Variants in TMEM132A observed in about 807,000 individuals in gnomAD.
TMEM132A encodes the protein GRP78-binding protein.
A neutral mutation model predicts 69.9 loss-of-function variants in TMEM132A; 48 were observed. That is an observed-to-expected ratio of 0.69 (90% confidence interval 0.55 to 0.87). TMEM132A has a LOEUF of 0.87. Ranked by LOEUF, TMEM132A falls within the 40% of genes least tolerant of loss-of-function variation. The pLI is 0.00. For missense variants in TMEM132A, 1,287 were observed against 1,407.2 expected (o/e 0.91, Z 1.37); for synonymous variants, 577 against 613.7 (o/e 0.94, Z 0.88).
At position 60,936,364 on chromosome 11, in the gene TMEM132A, C is replaced by A; in HGVS notation, c.2529C>A (p.Val843=). Residue 843 remains valine (V), a synonymous_variant, in exon 11 of 11, where the codon GTC becomes GTA. Transcript: ENST00000453848. ...EEEMVPAPQH[V]TELELGMYAL... is the part of the protein sequence containing the mutation. ...AGATGGTCCCTGCCCCTCAGCATGT[C>A]ACTGAGCTAGAGCTGGGCATGTACG... 1.9e-6 allele frequency: 3 copies of A among 1,614,150 alleles called. No homozygotes were observed. Among genetic ancestry groups the A allele is most frequent in the Non-Finnish European group, 2.5e-6 (3 of 1,180,002 alleles).
In TMEM132A at chr11:60,936,771, A is replaced by G. The variant is rs962865465; in HGVS notation, c.2936A>G (p.Glu979Gly). The G allele has an allele frequency of 6.2e-7, 1 of 1,612,690 alleles. No homozygotes were observed. Residue 979 changes from glutamate (E) to glycine (G), a missense_variant, in exon 11 of 11, where the codon GAG (glutamate) becomes GGG (glycine). Physicochemically the swap from Glu to Gly is moderately conservative, Grantham distance 98 (BLOSUM62 -2). Coordinates refer to ENST00000453848, the MANE Select transcript of TMEM132A (RefSeq NM_178031.3). ...GCCCCTCCAGCCCAGTCACCTGAGG[A>G]GCCTGTAGGGGCCCCTGCTGTGCAG... is the stretch of plus-strand genomic sequence containing the variant. ...APAPPAQSPE[E>G]PVGAPAVQSI...
At position 60,935,732 on chromosome 11, in the gene TMEM132A, T is replaced by G; in HGVS notation, c.2029-132T>G. The G allele has an allele frequency of 9.0e-7, 1 of 1,113,762 alleles. No homozygotes were observed. Among genetic ancestry groups the G allele is most frequent in the Non-Finnish European group, 1.3e-6 (1 of 772,668 alleles). 69.0% of individuals were successfully genotyped at this position (1,113,762 alleles called of 1,614,324 possible). A position where few individuals can be genotyped will look rare whatever the true frequency, so the allele number is the denominator to read the frequency against. On this transcript the variant is annotated intron_variant, in intron 10 of 10. Transcript: ENST00000453848. The surrounding 1 kb of genome is among the most constrained non-coding windows in gnomAD (Gnocchi z 5.0). Reference sequence around the variant, plus strand: ...GACACGCGTCCCCTCTCTCCCTGTGTTTTGTCTATCTGCCTGTGTCTCTGT... The same window carrying G: ...GACACGCGTCCCCTCTCTCCCTGTGGTTTGTCTATCTGCCTGTGTCTCTGT...
At position 60,935,583 on chromosome 11, in the gene TMEM132A, C is replaced by A; in HGVS notation, c.2028+140C>A. ...AGGACTGACTCTGTGAGGTAGTGAG[C>A]TCTCTGCAGCTGGAGGTGATCAAGC... On this transcript the variant is annotated intron_variant, in intron 10 of 10. Transcript: ENST00000453848. This position sits in a 1 kb window ranked among gnomAD's most constrained non-coding sequence, Gnocchi z 5.0. 1 of 949,552 alleles carries A rather than the reference C, an allele frequency of 1.1e-6. No individual in the cohort carries two copies. Among genetic ancestry groups the A allele is most frequent in the Non-Finnish European group, 1.5e-6 (1 of 645,586 alleles). The allele number at this position is 949,552 out of a possible 1,614,324, so 58.8% of individuals were successfully genotyped here. A position where few individuals can be genotyped will look rare whatever the true frequency, so the allele number is the denominator to read the frequency against.
rs776027069 is a variant in TMEM132A, at chr11:60,936,261, G to A, written c.2426G>A (p.Gly809Asp). The A allele has an allele frequency of 6.2e-7, 1 of 1,614,124 alleles. No individual in the cohort carries two copies. Among genetic ancestry groups the A allele is most frequent in the East Asian group, 2.2e-5 (1 of 44,880 alleles). ...GTCGGGGGCAACACAGGTGTGAGGGGCAAGTTTGAGCGGGCAGAGGAGGAG... is the reference window on the plus strand; with the variant it reads ...GTCGGGGGCAACACAGGTGTGAGGGACAAGTTTGAGCGGGCAGAGGAGGAG... ...GSVGGNTGVR[G>D]KFERAEEEAR... is the part of the protein sequence containing the mutation. Residue 809 changes from glycine (G) to aspartate (D), a missense_variant, in exon 11 of 11, where the codon GGC becomes GAC. Coordinates refer to ENST00000453848, the MANE Select transcript of TMEM132A (RefSeq NM_178031.3).
At chr11:60,926,660 C>T (rs754062699) in intron 1 of TMEM132A, 2 of 178,512 alleles carry the variant, frequency 1.1e-5, no homozygotes, top group Non-Finnish European at 2.3e-5. Flanking sequence ...GCCCATCCCA[C>T]ACTTGCACTC....
In TMEM132A at chr11:60,936,591, G is replaced by C. The variant is rs1194305269; in HGVS notation, c.2756G>C (p.Gly919Ala). ...CGGCAGTCCCCTGGCCCGCCCAAGG[G>C]GGAGGGGAGCTGCCCCTGTGAGAGT... The part of the protein sequence containing the change: ...LDRQSPGPPK[G>A]EGSCPCESGG... The change falls in exon 11 of 11, where the codon GGG (glycine) becomes GCG (alanine). Residue 919 changes from glycine (G) to alanine (A), a missense_variant. Gly to Ala is a moderately conservative substitution (Grantham distance 60). Transcript: ENST00000453848. The C allele has an allele frequency of 2.5e-6, 4 of 1,597,570 alleles. No homozygotes were observed. The African/African-American group carries it at 4.0e-5, about 16-fold the overall frequency.
At position 60,935,423 on chromosome 11, in the gene TMEM132A, G is replaced by C. The variant is rs959215421; in HGVS notation, c.2008G>C (p.Ala670Pro). 6.2e-7 allele frequency: 1 copy of C among 1,606,506 alleles called. No individual in the cohort carries two copies. Among genetic ancestry groups the C allele is most frequent in the African/African-American group, 1.3e-5 (1 of 74,870 alleles). ...EVTATCWAQS[A>P]LPAPKQEVAL... Reference sequence around the variant, plus strand: ...CACAGCTACGTGCTGGGCACAGTCAGCCCTTCCCGCCCCAAAGCAGGTGAC... The same window carrying C: ...CACAGCTACGTGCTGGGCACAGTCACCCCTTCCCGCCCCAAAGCAGGTGAC... The change falls in exon 10 of 11, where the codon GCC (alanine) becomes CCC (proline). Residue 670 changes from alanine (A) to proline (P), a missense_variant. Ala to Pro is a conservative substitution (Grantham distance 27). Transcript: ENST00000453848. The surrounding 1 kb of genome is among the most constrained non-coding windows in gnomAD (Gnocchi z 5.0).
Position 60,934,040 on chromosome 11 carries a change from C to T in TMEM132A, c.1559+296C>T, listed in dbSNP as rs116239740. 825 of 478,006 alleles carry T rather than the reference C, an allele frequency of 1.7e-3. 6 individuals carry two copies. The highest frequency in any genetic ancestry group is 0.013 in the African/African-American group (649 of 50,694). 29.6% of individuals were successfully genotyped at this position (478,006 alleles called of 1,614,324 possible). A position where few individuals can be genotyped will look rare whatever the true frequency, so the allele number is the denominator to read the frequency against. The stretch of plus-strand genomic sequence containing the variant: ...TGTCCATCCTTTCCACGCTCCTCCC[C>T]CGAGAATGTCAGCCCCTTGAAGCTG... On this transcript the variant is annotated intron_variant, in intron 8 of 10. Transcript: ENST00000453848.
chr11:60,931,916 C>A (rs1371871727), intron 6 of TMEM132A, 32 bp downstream of exon 6: 1 of 1,614,152 alleles, frequency 6.2e-7, no homozygotes, highest in Non-Finnish European at 8.5e-7. Context: ...CCTGGGAAGG[C>A]TGGAGGCCAA....
chr11:60,932,243 G>A (rs1856497755), intron 7 of TMEM132A, 116 bp downstream of exon 7: 15 of 1,283,014 alleles, frequency 1.2e-5, no homozygotes, highest in Middle Eastern at 5.6e-4. Flanking sequence ...TTCTTGAGAC[G>A]AGAAACCTCA....
At chr11:60,927,988 GC>G in intron 3 of TMEM132A, 129 bp downstream of exon 3, 1 of 722,512 alleles carries the variant, frequency 1.4e-6, no homozygotes, top group South Asian at 1.9e-5. Context: ...CTCCATTTCT[GC>G]CCCCACTAGC....
intron 5 of TMEM132A, among the ~76,000 whole-genome samples, chr11:60,931,250 C>A (rs982788340): frequency 6.6e-6 from 1 of 152,246 alleles, no homozygotes; most frequent in Non-Finnish European, 1.5e-5. Flanking sequence ...ACATATCAGG[C>A]ACCCAGGACG....
Position 60,924,723 on chromosome 11 carries a change from C to A in TMEM132A, c.90C>A (p.Asp30Glu), listed in dbSNP as rs531438004. The A allele has an allele frequency of 4.4e-6, 7 of 1,579,712 alleles. No individual in the cohort carries two copies. In the African/African-American group the frequency reaches 9.5e-5, roughly 22 times the overall value. Residue 30 changes from aspartate (D) to glutamate (E), a missense_variant, in exon 1 of 11, where the codon GAC becomes GAA. By Grantham distance (45) the Asp-to-Glu change is conservative. Transcript: ENST00000453848. ...WLCLLVALAL[D>E]VVRVDCGQAP... Reference sequence around the variant, plus strand: ...GCCTCCTGGTGGCCCTCGCCCTGGACGTCGTGAGAGGTCAGCGGGAGGGGA... The same window carrying A: ...GCCTCCTGGTGGCCCTCGCCCTGGAAGTCGTGAGAGGTCAGCGGGAGGGGA...
intron 5 of TMEM132A, 82 bp downstream of exon 5, chr11:60,930,741 T>TG: frequency 2.9e-6 from 4 of 1,371,260 alleles, no homozygotes; most frequent in Non-Finnish European, 2.9e-6. Context: ...GAGGCTGCCA[T>TG]GCTGCCTCTA....
intron 7 of TMEM132A, 23 bp downstream of exon 7, chr11:60,932,150 A>G: frequency 6.6e-7 from 1 of 1,518,278 alleles, no homozygotes; most frequent in Non-Finnish European, 8.8e-7. Flanking sequence ...TGCCCAGCTC[A>G]TGTGAGTCTG....
rs1314609615 is a variant in TMEM132A at position 60,931,734 on chromosome 11, G to A, written c.1062G>A (p.Glu354=). The part of the protein sequence containing the change: ...SEFLWVDFVV[E]NSTGGGVAVT... ...TCCTATGGGTGGACTTTGTGGTGGA[G>A]AATAGCACTGGTGGGGGCGTAGCGG... is the stretch of plus-strand genomic sequence containing the variant. The change falls in exon 6 of 11, where the codon GAG becomes GAA. Residue 354 remains glutamate (E), a synonymous_variant. Coordinates refer to ENST00000453848, the MANE Select transcript of TMEM132A (RefSeq NM_178031.3). 1 of 1,614,088 alleles carries A rather than the reference G, an allele frequency of 6.2e-7. No homozygotes were observed. The highest frequency in any genetic ancestry group is 8.5e-7 in the Non-Finnish European group (1 of 1,180,052).
Position 60,936,228 on chromosome 11 carries a change from C to A in TMEM132A, c.2393C>A (p.Ala798Glu). The part of the protein sequence containing the change: ...EATMGGKRQV[A>E]GSVGGNTGVR... Reference sequence around the variant, plus strand: ...ACCATGGGTGGTAAACGGCAGGTGGCAGGCAGTGTCGGGGGCAACACAGGT... The same window carrying A: ...ACCATGGGTGGTAAACGGCAGGTGGAAGGCAGTGTCGGGGGCAACACAGGT... Residue 798 changes from alanine to glutamate, a missense_variant, in exon 11 of 11, where the codon GCA becomes GAA. Physicochemically the swap from Ala to Glu is moderately radical, Grantham distance 107 (BLOSUM62 -1). Coordinates refer to ENST00000453848, the MANE Select transcript of TMEM132A (RefSeq NM_178031.3). The A allele has an allele frequency of 6.2e-7, 1 of 1,614,034 alleles. No homozygotes were observed. Among genetic ancestry groups the A allele is most frequent in the South Asian group, 1.1e-5 (1 of 91,084 alleles).
rs1856617540 is a variant in TMEM132A, at chr11:60,936,811, A to G, written c.2976A>G (p.Ala992=). Residue 992 remains alanine (A), a synonymous_variant, in exon 11 of 11, where the codon GCA becomes GCG. Coordinates refer to ENST00000453848, the MANE Select transcript of TMEM132A (RefSeq NM_178031.3). The part of the protein sequence containing the change: ...GAPAVQSILV[A]GEEDIRWVCE... ...CTGCTGTGCAGTCCATCCTTGTGGC[A>G]GGCGAGGAGGACATCCGCTGGGTGT... 1 of 1,613,302 alleles carries G rather than the reference A, an allele frequency of 6.2e-7. No homozygotes were observed. Among genetic ancestry groups the G allele is most frequent in the African/African-American group, 1.3e-5 (1 of 75,026 alleles).
chr11:60,930,765 G>A (rs576180815), intron 5 of TMEM132A, 106 bp downstream of exon 5: 17 of 1,153,450 alleles, frequency 1.5e-5, no homozygotes, highest in South Asian at 4.9e-5. Flanking sequence ...CCCCAGGTGA[G>A]CAGACCCAAG....
Sources: gnomAD v4.1 joint callset for allele counts (sites outside exome capture counted in the v4.1 genomes callset) on GRCh38, gnomAD v4.1.1 for gene constraint, Gnocchi (gnomAD v3.1) non-coding constraint, MANE v1.5 for transcripts, NCBI Gene and HGNC (gene_info 2026-07-23, HGNC 2026-07-21) for gene names.